SCHIP1: variants seen among roughly 807,000 people sequenced by gnomAD.
SCHIP1 encodes the protein schwannomin-interacting protein 1.
A neutral mutation model predicts 29.7 loss-of-function variants in SCHIP1; 8 were observed. The ratio of observed to expected loss-of-function variants is 0.27; its 90% CI spans 0.16 to 0.49. SCHIP1 has a LOEUF of 0.49. Among genes scored for constraint, SCHIP1 ranks in the 20% least tolerant of loss-of-function variants. SCHIP1 has a pLI of 0.99. For missense variants in SCHIP1, 193 were observed against 294.6 expected (o/e 0.66, Z 2.52); for synonymous variants, 76 against 94.9 (o/e 0.80, Z 1.16).
chr3:159,326,747 G>C, the SCHIP1 span, among the ~76,000 whole-genome samples: 1 of 152,172 alleles, frequency 6.6e-6, no homozygotes. Context: ...AAGGAGGAAA[G>C]TGATGTGCCC....
At chr3:159,768,725 C>G in the SCHIP1 span, 1 of 152,342 alleles carries the variant, frequency 6.6e-6, no homozygotes, top group African/African-American at 2.4e-5. Flanking sequence ...TGGATCCTTG[C>G]TCCATCTCAG....
the SCHIP1 span, among the ~76,000 whole-genome samples, chr3:159,818,578 G>T: frequency 1.3e-5 from 2 of 152,228 alleles, no homozygotes; most frequent in Non-Finnish European, 2.9e-5. Flanking sequence ...CCGTAGGGAA[G>T]CCTGGGGCAG....
the SCHIP1 span, among the ~76,000 whole-genome samples, chr3:159,532,537 A>AT: frequency 6.6e-6 from 1 of 152,108 alleles, no homozygotes; most frequent in Non-Finnish European, 1.5e-5. Context: ...TTTATCCTTA[A>AT]TTTTTTTTGT....
At chr3:159,319,274 T>C in the SCHIP1 span, among the ~76,000 whole-genome samples, 2 of 152,196 alleles carry the variant, frequency 1.3e-5, no homozygotes, top group Admixed American at 1.3e-4. Context: ...ATATGAGATA[T>C]GGACACTTCT....
At chr3:159,409,796 TA>T in the SCHIP1 span, among the ~76,000 whole-genome samples, 6 of 151,452 alleles carry the variant, frequency 4.0e-5, no homozygotes, top group African/African-American at 1.5e-4. Context: ...TTAAAATTTA[TA>T]AAAAGACCCA....
the SCHIP1 span, among the ~76,000 whole-genome samples, chr3:159,637,777 C>T: frequency 4.6e-5 from 7 of 152,070 alleles, no homozygotes; most frequent in Non-Finnish European, 7.4e-5. Context: ...TGGAAAAATT[C>T]CCAAGGATTA....
chr3:159,697,139 T>C, the SCHIP1 span, among the ~76,000 whole-genome samples: 6 of 152,144 alleles, frequency 3.9e-5, no homozygotes, highest in African/African-American at 1.4e-4. Context: ...AAGTGAGAGA[T>C]GCTAGTGGGC....
At chr3:159,616,772 C>G in the SCHIP1 span, among the ~76,000 whole-genome samples, 1 of 152,194 alleles carries the variant, frequency 6.6e-6, no homozygotes, top group Admixed American at 6.5e-5. Flanking sequence ...TTGAGGCTCT[C>G]CCTTACCTCA....
chr3:159,485,221 G>A, the SCHIP1 span, among the ~76,000 whole-genome samples: 1 of 152,164 alleles, frequency 6.6e-6, no homozygotes, highest in Admixed American at 6.5e-5. Flanking sequence ...GAGAGGATGA[G>A]ACAAGCTCAG....
chr3:159,697,570 T>C, the SCHIP1 span, among the ~76,000 whole-genome samples: 41 of 152,330 alleles, frequency 2.7e-4, no homozygotes, highest in East Asian at 7.7e-3. Context: ...GGTAATTTTA[T>C]TGAATTTAAT....
the SCHIP1 span, among the ~76,000 whole-genome samples, chr3:159,769,286 GA>G: frequency 6.6e-5 from 10 of 151,124 alleles, no homozygotes; most frequent in Admixed American, 2.6e-4. Context: ...AGTGGGGTGG[GA>G]GGGGGGGCAC....
At chr3:159,307,839 C>G in the SCHIP1 span, among the ~76,000 whole-genome samples, 1 of 152,102 alleles carries the variant, frequency 6.6e-6, no homozygotes, top group Non-Finnish European at 1.5e-5. Flanking sequence ...ATTCCTTTCC[C>G]CATTGCTTGT....
chr3:159,831,706 A>G, the SCHIP1 span, among the ~76,000 whole-genome samples: 1 of 152,174 alleles, frequency 6.6e-6, no homozygotes, highest in Non-Finnish European at 1.5e-5. Context: ...GAGTGTCCAC[A>G]GTGTGGATAT....
chr3:159,725,745 G>A, the SCHIP1 span, among the ~76,000 whole-genome samples: 1 of 152,192 alleles, frequency 6.6e-6, no homozygotes, highest in Admixed American at 6.5e-5. Context: ...CCATCCAGGT[G>A]CATTGTCTTT....
At chr3:159,745,990 T>G in the SCHIP1 span, among the ~76,000 whole-genome samples, 1 of 152,148 alleles carries the variant, frequency 6.6e-6, no homozygotes, top group African/African-American at 2.4e-5. Context: ...ATCTGGGACT[T>G]GGGCTGTGGG....
chr3:159,396,020 T>A, the SCHIP1 span, among the ~76,000 whole-genome samples: 1 of 151,796 alleles, frequency 6.6e-6, no homozygotes, highest in African/African-American at 2.4e-5. Context: ...TGGGTGCATA[T>A]ATATTTAGGA....
At chr3:159,296,582 T>G in the SCHIP1 span, among the ~76,000 whole-genome samples, 1 of 152,116 alleles carries the variant, frequency 6.6e-6, no homozygotes, top group African/African-American at 2.4e-5. Flanking sequence ...AAGACCAGCC[T>G]GGCCAACATG....
the SCHIP1 span, among the ~76,000 whole-genome samples, chr3:159,687,037 T>C: frequency 6.6e-6 from 1 of 152,196 alleles, no homozygotes. Flanking sequence ...ATCTCAACTA[T>C]AAGACTTCTT....
the SCHIP1 span, among the ~76,000 whole-genome samples, chr3:159,436,750 C>T: frequency 1.3e-5 from 2 of 152,084 alleles, no homozygotes; most frequent in African/African-American, 4.8e-5. Context: ...CTTATGTGAA[C>T]AGTAATGGCT....
Sources: gnomAD v4.1 joint callset for allele counts (sites outside exome capture counted in the v4.1 genomes callset) on GRCh38, gnomAD v4.1.1 for gene constraint, MANE v1.5 for transcripts, NCBI Gene and HGNC (gene_info 2026-07-23, HGNC 2026-07-21) for gene names.